The following TCHHL1 variants were observed in gnomAD, a reference collection of about 807,000 sequenced individuals.
The protein encoded by TCHHL1 is trichohyalin like 1, also known as trichohyalin-like protein 1.
Under a neutral mutation model 3.5 loss-of-function variants are expected in TCHHL1, and 1 was observed. That is an observed-to-expected ratio of 0.29 (90% CI 0.10 to 1.36). The LOEUF is 1.36. TCHHL1 is among the 40% of genes most tolerant of loss of function. The probability of loss-of-function intolerance (pLI) is 0.43; values close to 1 mark genes in which losing one functional copy is unlikely to be tolerated. For missense variants in TCHHL1, 1,027 were observed against 1,032.8 expected, an observed-to-expected ratio of 0.99 and a Z score of 0.08; for synonymous variants, 405 against 375.3, an observed-to-expected ratio of 1.08 and a Z score of -0.92.
At position 152,088,008 on chromosome 1, in the gene TCHHL1, GA is replaced by G. The variant is rs749179121; in HGVS notation, c.135del (p.Gln46SerfsTer15). On this transcript the variant is annotated frameshift_variant, in exon 2 of 3. Coordinates refer to ENST00000368806, the MANE Select transcript of TCHHL1 (RefSeq NM_001008536.2). LOFTEE classifies it low-confidence loss of function (END_TRUNC). ...QLIQGEFGDF[F>X]QPCVLHAVEK... ...ACACAGCTCTGTGAGAAGCTCACCTGAAAAAAGTCCCCAAACTCGCCCTGGA... is the reference window on the plus strand; with the variant it reads ...ACACAGCTCTGTGAGAAGCTCACCTGAAAAAGTCCCCAAACTCGCCCTGGA... The G allele has an allele frequency of 6.9e-6, 11 of 1,592,548 alleles. No homozygotes were observed. Among genetic ancestry groups the G allele is most frequent in the East Asian group, 2.2e-5 (1 of 44,656 alleles).
Position 152,086,780 on chromosome 1 carries a change from G to A in TCHHL1, c.902C>T (p.Ser301Leu), listed in dbSNP as rs866578401. Residue 301 changes from serine (S) to leucine (L), a missense_variant, in exon 3 of 3, where the codon TCA (serine) becomes TTA (leucine). Coordinates refer to ENST00000368806, the MANE Select transcript of TCHHL1 (RefSeq NM_001008536.2). ...PPLQREDEPS[S>L]QHADLPEQAA... ...TTGTTCTGGCAGGTCAGCATGCTGT[G>A]AACTGGGCTCATCTTCTCTTTGTAG... The A allele has an allele frequency of 2.5e-6, 4 of 1,614,168 alleles. No individual in the cohort carries two copies. The highest frequency in any genetic ancestry group is 3.4e-6 in the Non-Finnish European group (4 of 1,180,030).
rs1657753430 is a variant in TCHHL1 at position 152,087,347 on chromosome 1, AC to A, written c.334del (p.Val112PhefsTer136). On this transcript the variant is annotated frameshift_variant, in exon 3 of 3. Coordinates refer to ENST00000368806, the MANE Select transcript of TCHHL1 (RefSeq NM_001008536.2). LOFTEE classifies it low-confidence loss of function (END_TRUNC). ...CTGACCATCTCCGGTGGTTGCCTGAACATCCACATCATCTAGCTTCTCCTTC... is the reference window on the plus strand; with the variant it reads ...CTGACCATCTCCGGTGGTTGCCTGAAATCCACATCATCTAGCTTCTCCTTC... ...PEKEKLDDVDVQATTGDGQWT... is the reference protein window; with the variant it reads ...PEKEKLDDVDXQATTGDGQWT... 2 of 1,613,292 alleles carry A rather than the reference AC, an allele frequency of 1.2e-6. No individual in the cohort carries two copies. The highest frequency in any genetic ancestry group is 2.2e-5 in the South Asian group (2 of 91,042).
At position 152,085,547 on chromosome 1, in the gene TCHHL1, C is replaced by G. The variant is rs1184509503; in HGVS notation, c.2135G>C (p.Arg712Thr). The G allele has an allele frequency of 1.2e-6, 2 of 1,614,176 alleles. No homozygotes were observed. Among genetic ancestry groups the G allele is most frequent in the Admixed American group, 3.3e-5 (2 of 60,020 alleles). ...QGPSSKEEKGRATEAQNTLLE... is the reference protein window; with the variant it reads ...QGPSSKEEKGTATEAQNTLLE... ...CAGAGTATTCTGGGCCTCTGTTGCT[C>G]TTCCTTTCTCTTCTTTGCTACTTGG... The change falls in exon 3 of 3, where the codon AGA becomes ACA. Residue 712 changes from arginine to threonine, a missense_variant. Arg to Thr is a moderately conservative substitution (Grantham distance 71, BLOSUM62 -1). Transcript: ENST00000368806.
In TCHHL1 at chr1:152,088,130, AG is replaced by A; in HGVS notation, c.13del (p.Leu5Ter). 6.3e-7 allele frequency: 1 copy of A among 1,581,424 alleles called. No homozygotes were observed. The highest frequency in any genetic ancestry group is 1.2e-5 in the South Asian group (1 of 85,590). MPQL[L>X]RNVLCVIETF... ...CTCAATTACACAGAGGACATTTCTC[AG>A]GAGCTGAGGCATCTTTACAAACTCA... On this transcript the variant is annotated frameshift_variant, in exon 2 of 3. Coordinates refer to ENST00000368806, the MANE Select transcript of TCHHL1 (RefSeq NM_001008536.2). LOFTEE classifies it high-confidence loss of function.
Position 152,087,482 on chromosome 1 carries a change from A to T in TCHHL1, c.200T>A (p.Ile67Asn). 5.0e-6 allele frequency: 8 copies of T among 1,602,982 alleles called. No individual in the cohort carries two copies. The highest frequency in any genetic ancestry group is 6.8e-6 in the Non-Finnish European group (8 of 1,179,906). ...AAGAACAAATTCATCAAAACTGATG[A>T]TGCCATTACTGTCAATATTCAGAAG... ...SNLLNIDSNG[I>N]ISFDEFVLAI... The change falls in exon 3 of 3, where the codon ATC becomes AAC. Residue 67 changes from isoleucine (I) to asparagine (N), a missense_variant. By Grantham distance (149) the Ile-to-Asn change is moderately radical (BLOSUM62 -3). Coordinates refer to ENST00000368806, the MANE Select transcript of TCHHL1 (RefSeq NM_001008536.2).
chr1:152,086,768 T>A lies in TCHHL1; in HGVS notation c.914A>T (p.Asp305Val), dbSNP rs1358369236. 2 of 1,614,206 alleles carry A rather than the reference T, an allele frequency of 1.2e-6. No individual in the cohort carries two copies. Among genetic ancestry groups the A allele is most frequent in the Non-Finnish European group, 1.7e-6 (2 of 1,180,034 alleles). ...REDEPSSQHA[D>V]LPEQAAARSP... The stretch of plus-strand genomic sequence containing the variant: ...CCTGGCAGCAGCTTGTTCTGGCAGG[T>A]CAGCATGCTGTGAACTGGGCTCATC... The change falls in exon 3 of 3, where the codon GAC (aspartate) becomes GTC (valine). Residue 305 changes from aspartate (D) to valine (V), a missense_variant. Around this residue, in one of 3 missense-constraint regions of TCHHL1, gnomAD observed 16 missense variants for 38.3 expected, o/e 0.42. Transcript: ENST00000368806.
chr1:152,085,135 A>ATCC lies in TCHHL1; in HGVS notation c.2546_2547insGGA (p.Phe849delinsLeuAsp). On this transcript the variant is annotated protein_altering_variant, in exon 3 of 3. Coordinates refer to ENST00000368806, the MANE Select transcript of TCHHL1 (RefSeq NM_001008536.2). The stretch of plus-strand genomic sequence containing the variant: ...GTTGTGATGCTTGGCTGTAGTTGAA[A>ATCC]AAGACAGAACAATCTGAGATCTCAC... 1 of 1,614,116 alleles carries ATCC rather than the reference A, an allele frequency of 6.2e-7. No individual in the cohort carries two copies. Among genetic ancestry groups the ATCC allele is most frequent in the Non-Finnish European group, 8.5e-7 (1 of 1,180,036 alleles).
At position 152,084,616 on chromosome 1, in the gene TCHHL1, C is replaced by T. The variant is rs1248987160; in HGVS notation, c.*351G>A. 1 of 193,484 alleles carries T rather than the reference C, an allele frequency of 5.2e-6. No homozygotes were observed. The allele number at this position is 193,484 out of a possible 1,614,324, so 12.0% of individuals were successfully genotyped here. ...ATATTATTGCAGAGTCTTATAATTT[C>T]CTACTGCTCTATTTTAAATTCAATG... is the stretch of plus-strand genomic sequence containing the variant. On this transcript the variant is annotated 3_prime_UTR_variant, in exon 3 of 3. Coordinates refer to ENST00000368806, the MANE Select transcript of TCHHL1 (RefSeq NM_001008536.2).
Position 152,086,027 on chromosome 1 carries a change from C to T in TCHHL1, c.1655G>A (p.Ser552Asn), listed in dbSNP as rs758148644. Residue 552 changes from serine to asparagine, a missense_variant, in exon 3 of 3, where the codon AGC (serine) becomes AAC (asparagine). Around this residue, in one of 3 missense-constraint regions of TCHHL1, gnomAD observed 673 missense variants for 658.6 expected, o/e 1.02. Coordinates refer to ENST00000368806, the MANE Select transcript of TCHHL1 (RefSeq NM_001008536.2). ...SDEGSSETPN[S>N]LASEEGNSSS... ...GCTATTGCCTTCCTCTGAAGCCAGG[C>T]TGTTGGGAGTTTCAGAAGACCCCTC... 2 of 1,614,200 alleles carry T rather than the reference C, an allele frequency of 1.2e-6. No homozygotes were observed. Among genetic ancestry groups the T allele is most frequent in the South Asian group, 2.2e-5 (2 of 91,082 alleles).
rs1237879211 is a variant in TCHHL1, at chr1:152,087,123, C to T, written c.559G>A (p.Glu187Lys). ...TCTTGAGCCACTTCCTGACTTTGTT[C>T]ATCTCCTTCCAGGTGTTTGTTCTTA... ...DPKNKHLEGD[E>K]QSQEVAQDIQ... Residue 187 changes from glutamate to lysine, a missense_variant, in exon 3 of 3, where the codon GAA becomes AAA. Around this residue, in one of 3 missense-constraint regions of TCHHL1, gnomAD observed 338 missense variants for 335.9 expected, o/e 1.01. Transcript: ENST00000368806. 27 of 1,614,064 alleles carry T rather than the reference C, an allele frequency of 1.7e-5. No homozygotes were observed. The highest frequency in any genetic ancestry group is 2.0e-5 in the Non-Finnish European group (24 of 1,180,040).
rs139847791 is a variant in TCHHL1 at position 152,085,232 on chromosome 1, T to C, written c.2450A>G (p.Gln817Arg). 2 of 1,614,100 alleles carry C rather than the reference T, an allele frequency of 1.2e-6. No individual in the cohort carries two copies. Among genetic ancestry groups the C allele is most frequent in the African/African-American group, 2.7e-5 (2 of 74,926 alleles). The change falls in exon 3 of 3, where the codon CAA (glutamine) becomes CGA (arginine). Residue 817 changes from glutamine (Q) to arginine (R), a missense_variant. Transcript: ENST00000368806. ...EKILQQTNVT[Q>R]EEHQKQVQIA... ...CTGAACTTGCTTTTGATGCTCCTCT[T>C]GGGTTACATTTGTTTGCTGCAGTAT...
chr1:152,087,584 G>C (rs925878505), intron 2 of TCHHL1, 41 bp from the exon 3 acceptor site: 3 of 1,539,136 alleles, frequency 1.9e-6, no homozygotes, highest in Non-Finnish European at 2.6e-6. Context: ...ATTTATATGT[G>C]GTCCAGTGTC....
At position 152,085,370 on chromosome 1, in the gene TCHHL1, G is replaced by T. The variant is rs1191941938; in HGVS notation, c.2312C>A (p.Ser771Tyr). Reference sequence around the variant, plus strand: ...TTCAAGACTTGACCAGGGGACTGAAGAATTGTGCTCTTTCTTGGCTGGACT... The same window carrying T: ...TTCAAGACTTGACCAGGGGACTGAATAATTGTGCTCTTTCTTGGCTGGACT... The part of the protein sequence containing the change: ...QKSPAKKEHN[S>Y]SVPWSSLEKQ... Residue 771 changes from serine to tyrosine, a missense_variant, in exon 3 of 3, where the codon TCT becomes TAT. Transcript: ENST00000368806. 10 of 1,614,074 alleles carry T rather than the reference G, an allele frequency of 6.2e-6. 1 individual carries two copies. The African/African-American group carries it at 1.3e-4, about 22-fold the overall frequency.
In TCHHL1 at chr1:152,084,279, C is replaced by G. The variant is rs764440444; in HGVS notation, c.*688G>C. ...CAAACATACTTTAGATTTGTGTTTTCTCTCATAATTATTCTTGATTGTTTA... is the reference window on the plus strand; with the variant it reads ...CAAACATACTTTAGATTTGTGTTTTGTCTCATAATTATTCTTGATTGTTTA... On this transcript the variant is annotated 3_prime_UTR_variant, in exon 3 of 3. Coordinates refer to ENST00000368806, the MANE Select transcript of TCHHL1 (RefSeq NM_001008536.2). 2.6e-4 allele frequency: 44 copies of G among 167,920 alleles called. No homozygotes were observed. The highest frequency in any genetic ancestry group is 1.3e-3 in the Admixed American group (20 of 15,290). The allele number at this position is 167,920 out of a possible 1,614,324, so 10.4% of individuals were successfully genotyped here.
Position 152,087,081 on chromosome 1 carries a change from C to T in TCHHL1, c.601G>A (p.Asp201Asn). Residue 201 changes from aspartate to asparagine, a missense_variant, in exon 3 of 3, where the codon GAC becomes AAC. This residue lies in a region of TCHHL1 where 338 missense variants were observed against 335.9 expected (regional missense o/e 1.01). Transcript: ENST00000368806. The stretch of plus-strand genomic sequence containing the variant: ...TTTGTCTTAAGTTGGCCTTCATTGT[C>T]TTCTGTTGTTTGTATATCTTGAGCC... The part of the protein sequence containing the change: ...EVAQDIQTTE[D>N]NEGQLKTNKP... 6.2e-7 allele frequency: 1 copy of T among 1,614,078 alleles called. No homozygotes were observed. Among genetic ancestry groups the T allele is most frequent in the African/African-American group, 1.3e-5 (1 of 75,024 alleles).
In TCHHL1 at chr1:152,087,425, A is replaced by G; in HGVS notation, c.257T>C (p.Leu86Pro). Residue 86 changes from leucine to proline, a missense_variant, in exon 3 of 3, where the codon CTT becomes CCT. By Grantham distance (98) the Leu-to-Pro change is moderately conservative. Coordinates refer to ENST00000368806, the MANE Select transcript of TCHHL1 (RefSeq NM_001008536.2). ...AGAACTTAGTAATGATTTTATGTCA[A>G]GATAACAGAGGTTCAACAAGTTGAA... The part of the protein sequence containing the change: ...AIFNLLNLCY[L>P]DIKSLLSSEL... 1 of 1,611,236 alleles carries G rather than the reference A, an allele frequency of 6.2e-7. No homozygotes were observed. The highest frequency in any genetic ancestry group is 8.5e-7 in the Non-Finnish European group (1 of 1,180,008).
rs1189444053 is a variant in TCHHL1, at chr1:152,084,258, C to G, written c.*709G>C. 1 of 168,446 alleles carries G rather than the reference C, an allele frequency of 5.9e-6. No homozygotes were observed. The highest frequency in any genetic ancestry group is 1.9e-4 in the East Asian group (1 of 5,202). 10.4% of individuals were successfully genotyped at this position (168,446 alleles called of 1,614,324 possible). ...TACAAGAGCTTCTTATAAAATCAAA[C>G]ATACTTTAGATTTGTGTTTTCTCTC... On this transcript the variant is annotated 3_prime_UTR_variant, in exon 3 of 3. Coordinates refer to ENST00000368806, the MANE Select transcript of TCHHL1 (RefSeq NM_001008536.2).
In TCHHL1 at chr1:152,086,378, G is replaced by C; in HGVS notation, c.1304C>G (p.Ser435Ter). 6.2e-7 allele frequency: 1 copy of C among 1,614,092 alleles called. No individual in the cohort carries two copies. The highest frequency in any genetic ancestry group is 1.7e-4 in the Middle Eastern group (1 of 6,060). ...KYQELQGLSK[S>*]KDAEKGSETQ... ...CTCAGAACCTTTTTCAGCATCTTTT[G>C]ATTTTGATAATCCTTGGAGTTCCTG... Residue 435 changes from serine (S) to a stop codon, truncating the protein, a stop_gained, in exon 3 of 3, where the codon TCA becomes TGA. Coordinates refer to ENST00000368806, the MANE Select transcript of TCHHL1 (RefSeq NM_001008536.2). LOFTEE classifies it low-confidence loss of function (END_TRUNC).
rs979934627 is a variant in TCHHL1, at chr1:152,088,156, A to C, written c.-13T>G. 5 of 1,549,414 alleles carry C rather than the reference A, an allele frequency of 3.2e-6. No homozygotes were observed. The East Asian group carries it at 1.1e-4, about 36-fold the overall frequency. On this transcript the variant is annotated 5_prime_UTR_variant, in exon 2 of 3. Coordinates refer to ENST00000368806, the MANE Select transcript of TCHHL1 (RefSeq NM_001008536.2). The stretch of plus-strand genomic sequence containing the variant: ...GGAGCTGAGGCATCTTTACAAACTC[A>C]GGAGAGGCTGTGAGAAAGAATAAAC...
Sources: allele counts gnomAD v4.1 joint callset, GRCh38; gene constraint gnomAD v4.1.1; regional missense constraint gnomAD v4.1.1; transcripts MANE v1.5; gene names NCBI Gene and HGNC (gene_info 2026-07-23, HGNC 2026-07-21).